The following XPR1 variants were observed in gnomAD, a reference collection of about 807,000 sequenced individuals.
XPR1 encodes xenotropic and polytropic retrovirus receptor 1, also known as solute carrier family 53 member 1.
XPR1 carries 28 observed loss-of-function variants against 87.5 expected under a neutral mutation model. That is an observed-to-expected ratio of 0.32 (90% confidence interval 0.24 to 0.44). XPR1 has a LOEUF of 0.44. Ranked by LOEUF, XPR1 falls within the 20% of genes least tolerant of loss-of-function variation. The pLI, the probability that XPR1 is intolerant of heterozygous loss-of-function variation, is 1.00. For synonymous variants in XPR1, 300 were observed against 306.1 expected (o/e 0.98, Z 0.21); for missense variants, 559 against 862.3 (o/e 0.65, Z 4.41).
At chr1:180,726,386 A>T (rs141851510) in intron 2 of XPR1, among the ~76,000 whole-genome samples, 195 of 151,868 alleles carry the variant, frequency 1.3e-3, no homozygotes, top group African/African-American at 4.5e-3. Flanking sequence ...GCTGCTGCTC[A>T]CTCTTTGGGT....
chr1:180,852,067 G>A (rs1272805521), intron 11 of XPR1, among the ~76,000 whole-genome samples: 1 of 151,518 alleles, frequency 6.6e-6, no homozygotes, highest in Non-Finnish European at 1.5e-5. Flanking sequence ...TCACGGTTTG[G>A]TAAGGGAAAT....
At position 180,873,912 on chromosome 1, in the gene XPR1, C is replaced by T. The variant is rs1299930533; in HGVS notation, c.1778C>T (p.Ala593Val). ...TLLPHSGDIIATVFAPLEVFR... is the reference protein window; with the variant it reads ...TLLPHSGDIIVTVFAPLEVFR... ...TTGCCTCATTCTGGGGACATCATTG[C>T]TACTGTCTTTGCCCCACTTGAGGTT... Residue 593 changes from alanine to valine, a missense_variant, in exon 13 of 15, where the codon GCT becomes GTT. Around this residue, in one of 7 missense-constraint regions of XPR1, gnomAD observed 264 missense variants for 377.2 expected, o/e 0.70. Coordinates refer to ENST00000367590, the MANE Select transcript of XPR1 (RefSeq NM_004736.4). 2.5e-6 allele frequency: 4 copies of T among 1,613,950 alleles called. No homozygotes were observed. The highest frequency in any genetic ancestry group is 3.4e-6 in the Non-Finnish European group (4 of 1,179,996).
intron 1 of XPR1, among the ~76,000 whole-genome samples, chr1:180,634,622 T>A (rs1030189655): frequency 6.6e-6 from 1 of 152,288 alleles, no homozygotes; most frequent in South Asian, 2.1e-4. Context: ...ATGCTATCAG[T>A]AGAACAGATG....
At chr1:180,709,834 C>A (rs906799846) in intron 2 of XPR1, among the ~76,000 whole-genome samples, 1 of 148,504 alleles carries the variant, frequency 6.7e-6, no homozygotes, top group African/African-American at 2.5e-5. Context: ...ATGTTCAAAT[C>A]TTTTGCCTAT....
intron 3 of XPR1, among the ~76,000 whole-genome samples, chr1:180,788,392 C>T (rs562300875): frequency 2.0e-5 from 3 of 152,218 alleles, no homozygotes; most frequent in Non-Finnish European, 2.9e-5. Context: ...ACATAATATA[C>T]ATTAGTAAAA....
In XPR1 at chr1:180,836,606, T is replaced by G; in HGVS notation, c.1391T>G (p.Leu464Arg). The G allele has an allele frequency of 6.2e-7, 1 of 1,614,222 alleles. No homozygotes were observed. Among genetic ancestry groups the G allele is most frequent in the Non-Finnish European group, 8.5e-7 (1 of 1,180,046 alleles). ...GCTTGGCTTCGCTTCATCCAGTGCC[T>G]GCGCCGATATCGAGACACAAAAAGG... is the stretch of plus-strand genomic sequence containing the variant. ...IPAWLRFIQC[L>R]RRYRDTKRAF... Residue 464 changes from leucine to arginine, a missense_variant, in exon 11 of 15, where the codon CTG becomes CGG. Leu to Arg is a moderately radical substitution (Grantham distance 102). Transcript: ENST00000367590.
At chr1:180,781,861 A>T (rs4652530) in intron 2 of XPR1, among the ~76,000 whole-genome samples, 73,097 of 151,530 alleles carry the variant, frequency 0.48, 18,433 homozygotes, top group African/African-American at 0.51. Context: ...GGTGGCACGA[A>T]CTCGGCTCAC....
At chr1:180,695,408 T>TTGTGTGTGTGTGTGTGTG (rs1205037869) in intron 2 of XPR1, among the ~76,000 whole-genome samples, 3 of 148,434 alleles carry the variant, frequency 2.0e-5, no homozygotes, top group African/African-American at 4.9e-5. Context: ...GTAGTCCCAT[T>TTGTGTGTGTGTGTGTGTG]TGTGTGTGTG....
At chr1:180,755,452 G>A (rs1002167775) in intron 2 of XPR1, among the ~76,000 whole-genome samples, 19 of 152,166 alleles carry the variant, frequency 1.2e-4, no homozygotes, top group African/African-American at 4.3e-4. Flanking sequence ...TACACAAAAT[G>A]CATACATGTG....
chr1:180,660,979 A>C (rs1655753103), intron 1 of XPR1, among the ~76,000 whole-genome samples: 2 of 152,078 alleles, frequency 1.3e-5, no homozygotes, highest in South Asian at 2.1e-4. Flanking sequence ...ACTGGAGTTT[A>C]TCTCTCTCTT....
chr1:180,637,128 G>C (rs1378615173), intron 1 of XPR1, among the ~76,000 whole-genome samples: 1 of 151,104 alleles, frequency 6.6e-6, no homozygotes, highest in Non-Finnish European at 1.5e-5. Flanking sequence ...CATAAGAAAA[G>C]GAAGAAATAC....
chr1:180,836,810 G>C, intron 11 of XPR1, 94 bp downstream of exon 11: 12 of 1,436,088 alleles, frequency 8.4e-6, no homozygotes, highest in Non-Finnish European at 1.1e-5. Context: ...CATTTGTCAT[G>C]CTCTTTTTTT....
intron 1 of XPR1, among the ~76,000 whole-genome samples, chr1:180,664,667 G>A (rs1055338638): frequency 9.2e-5 from 14 of 152,298 alleles, no homozygotes; most frequent in East Asian, 7.7e-4. Flanking sequence ...ACTAGGTCAC[G>A]TGTCCCCCCA....
At chr1:180,875,715 C>A (rs12060769) in intron 13 of XPR1, among the ~76,000 whole-genome samples, 6 of 151,416 alleles carry the variant, frequency 4.0e-5, no homozygotes, top group Admixed American at 3.9e-4. Context: ...ATATAAAGAA[C>A]GTAAATTAAT....
intron 2 of XPR1, among the ~76,000 whole-genome samples, chr1:180,690,424 G>A (rs899849935): frequency 1.3e-5 from 2 of 152,072 alleles, no homozygotes; most frequent in African/African-American, 2.4e-5. Flanking sequence ...AGAACATGAC[G>A]GTGAGTTTTA....
At chr1:180,862,400 C>A (rs1454226099) in intron 11 of XPR1, among the ~76,000 whole-genome samples, 1 of 152,078 alleles carries the variant, frequency 6.6e-6, no homozygotes, top group Non-Finnish European at 1.5e-5. Context: ...TACTTCCCCC[C>A]ACCTTCTCAT....
In XPR1 at chr1:180,781,869, C is replaced by T. The variant is rs549319452; in HGVS notation, c.122-5884C>T. ...GGAGTGCGGTGGCACGAACTCGGCT[C>T]ACTGCAAACTCTGCCTCCTAGGTTC... On this transcript the variant is annotated intron_variant, in intron 2 of 14. Transcript: ENST00000367590. Among the ~76,000 whole-genome samples, 53 of 152,016 alleles carry T rather than the reference C, an allele frequency of 3.5e-4. 1 individual carries two copies. In the South Asian group the frequency reaches 0.01, roughly 29 times the overall value.
At chr1:180,705,568 C>T (rs987094698) in intron 2 of XPR1, among the ~76,000 whole-genome samples, 1 of 151,996 alleles carries the variant, frequency 6.6e-6, no homozygotes, top group African/African-American at 2.4e-5. Context: ...GCCATTACAA[C>T]AAGAAAATGA....
At chr1:180,733,021 G>A (rs989040306) in intron 2 of XPR1, among the ~76,000 whole-genome samples, 9 of 152,120 alleles carry the variant, frequency 5.9e-5, no homozygotes, top group Non-Finnish European at 2.9e-5. Flanking sequence ...TCTTCTTGTT[G>A]GTGGCCCACC....
Sources: allele counts gnomAD v4.1 joint callset (sites outside exome capture counted in the v4.1 genomes callset), GRCh38; gene constraint gnomAD v4.1.1; regional missense constraint gnomAD v4.1.1; transcripts MANE v1.5; gene names NCBI Gene and HGNC (gene_info 2026-07-23, HGNC 2026-07-21).